KDSR: variants seen among roughly 807,000 people sequenced by gnomAD.
The protein encoded by KDSR is 3-dehydrosphinganine reductase.
KDSR carries 23 observed loss-of-function variants against 41.3 expected under a neutral mutation model. The ratio of observed to expected loss-of-function variants is 0.56; its 90% CI spans 0.40 to 0.79. KDSR has a LOEUF of 0.79. Ranked by LOEUF, KDSR falls within the 30% of genes least tolerant of loss-of-function variation. The pLI is 0.00. For synonymous variants in KDSR, 138 were observed against 151.7 expected, an observed-to-expected ratio of 0.91 and a Z score of 0.66; for missense variants, 351 against 416.8, an observed-to-expected ratio of 0.84 and a Z score of 1.37.
At chr18:63,361,881 T>C (rs568360875) in intron 2 of KDSR, among the ~76,000 whole-genome samples, 1 of 152,224 alleles carries the variant, frequency 6.6e-6, no homozygotes, top group East Asian at 1.9e-4. Flanking sequence ...TTATTTAAAT[T>C]TTCCCCCAAG....
chr18:63,349,474 T>C (rs1310998279), intron 6 of KDSR, among the ~76,000 whole-genome samples: 2 of 152,278 alleles, frequency 1.3e-5, no homozygotes, highest in Non-Finnish European at 2.9e-5. Context: ...ACCAGTATTC[T>C]TGTTTGAAAT....
At chr18:63,359,828 G>A (rs763405482) in intron 2 of KDSR, 36 bp from the exon 3 acceptor site, 28 of 1,408,278 alleles carry the variant, frequency 2.0e-5, no homozygotes, top group African/African-American at 8.5e-5. Context: ...CGTGATGACC[G>A]TCTATATGCA....
Position 63,327,786 on chromosome 18 carries a change from GTATGAAAAT to G in KDSR, c.*3987_*3995del, listed in dbSNP as rs1267607181. ...TTTTGTTGTGATTCAGAAATACAAGGTATGAAAATTAGATTACAATTCTGCCACAAAAGC... is the reference window on the plus strand; with the variant it reads ...TTTTGTTGTGATTCAGAAATACAAGGTAGATTACAATTCTGCCACAAAAGC... On this transcript the variant is annotated 3_prime_UTR_variant, in exon 10 of 10. Coordinates refer to ENST00000645214, the MANE Select transcript of KDSR (RefSeq NM_002035.4). The G allele has an allele frequency of 1.1e-5, 2 of 187,028 alleles. No homozygotes were observed. Among genetic ancestry groups the G allele is most frequent in the East Asian group, 1.7e-4 (2 of 11,642 alleles). The allele number at this position is 187,028 out of a possible 1,614,324, so 11.6% of individuals were successfully genotyped here.
In KDSR at chr18:63,351,148, C is replaced by T. The variant is rs956279685; in HGVS notation, c.418-69G>A. 5 of 1,330,828 alleles carry T rather than the reference C, an allele frequency of 3.8e-6. No individual in the cohort carries two copies. The African/African-American group carries it at 7.4e-5, about 20-fold the overall frequency. The allele number at this position is 1,330,828 out of a possible 1,614,324, so 82.4% of individuals were successfully genotyped here. On this transcript the variant is annotated intron_variant, in intron 5 of 9. Transcript: ENST00000645214. ...CTGTGCACATGGAGAATTTAGTCTG[C>T]TTTCTGGATTTCAGTTCTTCAATGC...
In KDSR at chr18:63,331,629, C is replaced by T. The variant is rs1383091647; in HGVS notation, c.*153G>A. The T allele has an allele frequency of 1.6e-6, 1 of 637,036 alleles. No homozygotes were observed. The highest frequency in any genetic ancestry group is 1.8e-5 in the African/African-American group (1 of 54,776). 39.5% of individuals were successfully genotyped at this position (637,036 alleles called of 1,614,324 possible). On this transcript the variant is annotated 3_prime_UTR_variant, in exon 10 of 10. Coordinates refer to ENST00000645214, the MANE Select transcript of KDSR (RefSeq NM_002035.4). ...TACTGTCAGGAGGTGAACTTCTAGC[C>T]CCTTGCTTGCAGCCACATTCCTGAA...
At chr18:63,347,690 T>C (rs1323082832) in intron 6 of KDSR, among the ~76,000 whole-genome samples, 1 of 151,946 alleles carries the variant, frequency 6.6e-6, no homozygotes, top group Non-Finnish European at 1.5e-5. Flanking sequence ...GAGAGGGGCA[T>C]GATCAGGGTA....
intron 9 of KDSR, among the ~76,000 whole-genome samples, chr18:63,334,144 A>C (rs1167355322): frequency 1.3e-5 from 2 of 152,224 alleles, no homozygotes; most frequent in Non-Finnish European, 2.9e-5. Context: ...CTCTAAGAGA[A>C]TGGCAAAGAC....
chr18:63,350,449 T>A (rs747754587), intron 6 of KDSR, among the ~76,000 whole-genome samples: 35 of 152,354 alleles, frequency 2.3e-4, no homozygotes, highest in South Asian at 1.4e-3. Flanking sequence ...GCAAGTTAAA[T>A]GACTTGTCTA....
intron 2 of KDSR, among the ~76,000 whole-genome samples, chr18:63,361,164 A>T (rs1914972678): frequency 8.4e-6 from 1 of 119,654 alleles, no homozygotes. Flanking sequence ...GAGCCAAGAC[A>T]GCGCCACTGC....
chr18:63,361,497 T>C (rs1180557400), intron 2 of KDSR, among the ~76,000 whole-genome samples: 1 of 152,094 alleles, frequency 6.6e-6, no homozygotes, highest in African/African-American at 2.4e-5. Context: ...TAGCTAATTT[T>C]GTCTTTCTTG....
At chr18:63,332,398 T>G (rs1428691217) in intron 9 of KDSR, among the ~76,000 whole-genome samples, 3 of 152,192 alleles carry the variant, frequency 2.0e-5, no homozygotes, top group African/African-American at 7.2e-5. Flanking sequence ...CCGTGATTAC[T>G]GATATCCTGT....
chr18:63,335,557 C>T (rs557726295), intron 8 of KDSR, 199 bp from the exon 9 acceptor site: 60 of 531,686 alleles, frequency 1.1e-4, no homozygotes, highest in Non-Finnish European at 2.0e-4. Flanking sequence ...CGGACCCCTG[C>T]GGGCCCCCAA....
Position 63,330,427 on chromosome 18 carries a change from C to G in KDSR, c.*1355G>C, listed in dbSNP as rs1052806228. ...ACGGGGAATGTTGGCTAAAACTCATCAGAGGCACTTGCTGTCAAAATCCAC... is the reference window on the plus strand; with the variant it reads ...ACGGGGAATGTTGGCTAAAACTCATGAGAGGCACTTGCTGTCAAAATCCAC... On this transcript the variant is annotated 3_prime_UTR_variant, in exon 10 of 10. Coordinates refer to ENST00000645214, the MANE Select transcript of KDSR (RefSeq NM_002035.4). 2 of 229,692 alleles carry G rather than the reference C, an allele frequency of 8.7e-6. No individual in the cohort carries two copies. The highest frequency in any genetic ancestry group is 1.7e-5 in the Non-Finnish European group (2 of 115,924). The allele number at this position is 229,692 out of a possible 1,614,324, so 14.2% of individuals were successfully genotyped here.
At position 63,344,658 on chromosome 18, in the gene KDSR, GATGATTCCAGA is replaced by G. The variant is rs1294178274; in HGVS notation, c.610-176_610-166del. 6 of 528,170 alleles carry G rather than the reference GATGATTCCAGA, an allele frequency of 1.1e-5. No homozygotes were observed. The East Asian group carries it at 1.5e-4, about 14-fold the overall frequency. 32.7% of individuals were successfully genotyped at this position (528,170 alleles called of 1,614,324 possible). Reference sequence around the variant, plus strand: ...ATTGCATTGAGAAACCCCTCTCCATGATGATTCCAGAATGTAGGCAAAAAGCTCACCCTAAC... The same window carrying G: ...ATTGCATTGAGAAACCCCTCTCCATGATGTAGGCAAAAAGCTCACCCTAAC... On this transcript the variant is annotated intron_variant, in intron 6 of 9. Coordinates refer to ENST00000645214, the MANE Select transcript of KDSR (RefSeq NM_002035.4).
Position 63,331,710 on chromosome 18 carries a change from A to C in KDSR, c.*72T>G. ...ACAATACATAAGTGTCTATAGGCCA[A>C]AAATTGGGTCCCATTTAGCAGCAAG... On this transcript the variant is annotated 3_prime_UTR_variant, in exon 10 of 10. Transcript: ENST00000645214. The C allele has an allele frequency of 6.5e-7, 1 of 1,540,866 alleles. No individual in the cohort carries two copies. The highest frequency in any genetic ancestry group is 8.8e-7 in the Non-Finnish European group (1 of 1,133,456).
chr18:63,356,683 G>A (rs560054733), intron 3 of KDSR, among the ~76,000 whole-genome samples: 2 of 152,326 alleles, frequency 1.3e-5, no homozygotes, highest in South Asian at 2.1e-4. Context: ...AGAGGTAGAA[G>A]GTGTCATGAT....
At chr18:63,332,622 G>T (rs1422879492) in intron 9 of KDSR, among the ~76,000 whole-genome samples, 2 of 152,130 alleles carry the variant, frequency 1.3e-5, no homozygotes, top group Admixed American at 1.3e-4. Flanking sequence ...ACGAGGTCAG[G>T]AGATTGAGAC....
chr18:63,341,539 A>C (rs1914340042), intron 7 of KDSR, among the ~76,000 whole-genome samples: 1 of 152,100 alleles, frequency 6.6e-6, no homozygotes, highest in African/African-American at 2.4e-5. Context: ...CAAAAATCTG[A>C]ATAATAAATG....
intron 5 of KDSR, among the ~76,000 whole-genome samples, chr18:63,354,666 T>A (rs1456513477): frequency 6.6e-6 from 1 of 152,080 alleles, no homozygotes; most frequent in African/African-American, 2.4e-5. Flanking sequence ...AAATTCCATC[T>A]CAAAAAAAGA....
Sources: gnomAD v4.1 joint callset for allele counts (sites outside exome capture counted in the v4.1 genomes callset) on GRCh38, gnomAD v4.1.1 for gene constraint, MANE v1.5 for transcripts, NCBI Gene and HGNC (gene_info 2026-07-23, HGNC 2026-07-21) for gene names.